Variants in IP6K2 observed in about 807,000 individuals in gnomAD.
IP6K2 encodes ATP:1D-myo-inositol-hexakisphosphate phosphotransferase.
In IP6K2, 9 loss-of-function variants were observed where a neutral mutation model predicts 43.3. The observed-to-expected ratio is 0.21, with a 90% confidence interval of 0.13 to 0.36. IP6K2 has a LOEUF of 0.36. IP6K2 is among the 10% of genes least tolerant of loss of function. The pLI is 1.00. For synonymous variants in IP6K2, 209 were observed against 202.4 expected (o/e 1.03, Z -0.28); for missense variants, 332 against 538.4 (o/e 0.62, Z 3.79).
intron 2 of IP6K2, chr3:48,694,630 G>A: frequency 1.3e-6 from 2 of 1,518,866 alleles, no homozygotes; most frequent in Non-Finnish European, 1.8e-6. Context: ...AAAGGGCTTG[G>A]GCTAATCAGC....
At chr3:48,699,919 TG>T in intron 1 of IP6K2, 1 of 152,174 alleles carries the variant, frequency 6.6e-6, no homozygotes, top group East Asian at 1.9e-4. Context: ...CTGGGTACAG[TG>T]GCTCACTCCT....
At chr3:48,702,823 CT>C (rs1364294455) in intron 1 of IP6K2, among the ~76,000 whole-genome samples, 5 of 152,182 alleles carry the variant, frequency 3.3e-5, no homozygotes, top group African/African-American at 1.2e-4. Context: ...GTATTCACTG[CT>C]GAATCTCCAG....
At position 48,695,953 on chromosome 3, in the gene IP6K2, C is replaced by T. The variant is rs959775778; in HGVS notation, c.-130-532G>A. 4.6e-5 allele frequency among the ~76,000 whole-genome samples: 7 copies of T among 150,908 alleles called. No homozygotes were observed. Among genetic ancestry groups the T allele is most frequent in the African/African-American group, 1.7e-4 (7 of 41,166 alleles). On this transcript the variant is annotated intron_variant, in intron 1 of 5. Transcript: ENST00000328631. The surrounding 1 kb of genome is among the most constrained non-coding windows in gnomAD (Gnocchi z 4.6). ...AGGCGGGAGTGCAGTGGCACAATCT[C>T]GACTCACTGCAACCTCCGCCTCTCA... is the stretch of plus-strand genomic sequence containing the variant.
rs1314720257 is a variant in IP6K2 at position 48,688,372 on chromosome 3, C to T, written c.1182G>A (p.Glu394=). 3 of 1,614,122 alleles carry T rather than the reference C, an allele frequency of 1.9e-6. No individual in the cohort carries two copies. Among genetic ancestry groups the T allele is most frequent in the Non-Finnish European group, 1.7e-6 (2 of 1,180,046 alleles). Reference sequence around the variant, plus strand: ...CCTGGCCCTCATGCACCACGGTGTCCTCGCCATACAGCCTGCAGGTGGTGT... The same window carrying T: ...CCTGGCCCTCATGCACCACGGTGTCTTCGCCATACAGCCTGCAGGTGGTGT... ...FAHTTCRLYG[E]DTVVHEGQDA... Residue 394 remains glutamate (E), a synonymous_variant, in exon 6 of 6, where the codon GAG becomes GAA. Transcript: ENST00000328631. This position sits in a 1 kb window ranked among gnomAD's most constrained non-coding sequence, Gnocchi z 5.1.
chr3:48,699,209 G>C (rs753348309), intron 1 of IP6K2, among the ~76,000 whole-genome samples: 5 of 151,982 alleles, frequency 3.3e-5, no homozygotes, highest in African/African-American at 4.8e-5. Flanking sequence ...TCTGGAGTTC[G>C]AGACCAGCCT....
At chr3:48,697,289 G>GATT (rs950128010) in intron 1 of IP6K2, among the ~76,000 whole-genome samples, 4 of 151,342 alleles carry the variant, frequency 2.6e-5, no homozygotes, top group African/African-American at 7.3e-5. Flanking sequence ...CAAAGTGCTG[G>GATT]ATTACAGGCG....
intron 4 of IP6K2, among the ~76,000 whole-genome samples, chr3:48,690,954 A>C (rs2077729775): frequency 6.6e-6 from 1 of 152,122 alleles, no homozygotes; most frequent in Admixed American, 6.5e-5. Flanking sequence ...GCAGGTGAGC[A>C]ATGTTTTCAG....
rs1172618132 is a variant in IP6K2 at position 48,695,392 on chromosome 3, T to A, written c.-101A>T. On this transcript the variant is annotated 5_prime_UTR_variant, in exon 2 of 6. Coordinates refer to ENST00000328631, the MANE Select transcript of IP6K2 (RefSeq NM_016291.4). This position sits in a 1 kb window ranked among gnomAD's most constrained non-coding sequence, Gnocchi z 4.6. ...GTCCGTGTGTCCCTCTCGTCTTGGC[T>A]CCTTGGCTTGTTCTGGCCAGGATGC... The A allele has an allele frequency of 5.5e-6, 8 of 1,457,548 alleles. No homozygotes were observed. Among genetic ancestry groups the A allele is most frequent in the African/African-American group, 2.8e-5 (2 of 70,494 alleles). 90.3% of individuals were successfully genotyped at this position (1,457,548 alleles called of 1,614,324 possible). A position where few individuals can be genotyped will look rare whatever the true frequency, so the allele number is the denominator to read the frequency against.
chr3:48,689,018 A>C (rs2077551239), intron 5 of IP6K2, among the ~76,000 whole-genome samples: 1 of 152,222 alleles, frequency 6.6e-6, no homozygotes, highest in Non-Finnish European at 1.5e-5. Flanking sequence ...ACTGGAGAGG[A>C]CCAAACCCTT....
chr3:48,694,680 G>A, intron 2 of IP6K2: 1 of 1,505,498 alleles, frequency 6.6e-7, no homozygotes, highest in Non-Finnish European at 8.8e-7. Context: ...ACTCAACGCT[G>A]CTCCCCGGCC....
At chr3:48,697,548 C>A (rs981789878) in intron 1 of IP6K2, among the ~76,000 whole-genome samples, 13 of 133,808 alleles carry the variant, frequency 9.7e-5, no homozygotes, top group Non-Finnish European at 1.1e-4. Flanking sequence ...ACCATGTTGG[C>A]CAGACTGGTC....
chr3:48,690,860 T>G (rs898137383), intron 4 of IP6K2, among the ~76,000 whole-genome samples: 1 of 151,786 alleles, frequency 6.6e-6, no homozygotes, highest in Non-Finnish European at 1.5e-5. Flanking sequence ...AAATATTTCC[T>G]TATGCACAGC....
chr3:48,701,135 C>A (rs752374188), intron 1 of IP6K2, among the ~76,000 whole-genome samples: 1 of 151,784 alleles, frequency 6.6e-6, no homozygotes, highest in East Asian at 1.9e-4. Context: ...TTTGGGAGGC[C>A]GAGGCGGGTG....
At chr3:48,702,446 C>T (rs1233619798) in intron 1 of IP6K2, among the ~76,000 whole-genome samples, 1 of 150,444 alleles carries the variant, frequency 6.6e-6, no homozygotes, top group Non-Finnish European at 1.5e-5. Context: ...AATGTCACCC[C>T]CCCTTTTTTT....
chr3:48,696,891 C>T (rs1377724630), intron 1 of IP6K2, among the ~76,000 whole-genome samples: 2 of 152,092 alleles, frequency 1.3e-5, no homozygotes, highest in Non-Finnish European at 2.9e-5. Context: ...CTGTTGCAAA[C>T]AATGAAGGTG....
intron 1 of IP6K2, among the ~76,000 whole-genome samples, chr3:48,696,536 A>G (rs940761759): frequency 1.3e-5 from 2 of 152,238 alleles, no homozygotes; most frequent in African/African-American, 4.8e-5. Context: ...TCACTCAGCC[A>G]TGCACTGGAT....
chr3:48,713,861 A>G (rs1464472042), intron 1 of IP6K2, among the ~76,000 whole-genome samples: 1 of 151,652 alleles, frequency 6.6e-6, no homozygotes, highest in Admixed American at 6.6e-5. Context: ...TCACGCCTGT[A>G]ATCCCAACAC....
Position 48,695,536 on chromosome 3 carries a change from G to T in IP6K2, c.-130-115C>A, listed in dbSNP as rs892987374. 1.6e-6 allele frequency: 2 copies of T among 1,264,284 alleles called. No homozygotes were observed. Among genetic ancestry groups the T allele is most frequent in the Non-Finnish European group, 2.0e-6 (2 of 999,312 alleles). The allele number at this position is 1,264,284 out of a possible 1,614,324, so 78.3% of individuals were successfully genotyped here. A position where few individuals can be genotyped will look rare whatever the true frequency, so the allele number is the denominator to read the frequency against. ...AAAGACAAACAGTCTGAGTTCTTGC[G>T]GGACTCCGCCCATGCCACCCACCTT... On this transcript the variant is annotated intron_variant, in intron 1 of 5. Coordinates refer to ENST00000328631, the MANE Select transcript of IP6K2 (RefSeq NM_016291.4). The surrounding 1 kb of genome is among the most constrained non-coding windows in gnomAD (Gnocchi z 4.6).
intron 4 of IP6K2, among the ~76,000 whole-genome samples, chr3:48,690,270 A>C (rs569789120): frequency 1.3e-5 from 2 of 152,368 alleles, no homozygotes; most frequent in South Asian, 4.1e-4. Flanking sequence ...AGAAACTGGT[A>C]AACTATGGCC....
Sources: allele counts gnomAD v4.1 joint callset (sites outside exome capture counted in the v4.1 genomes callset), GRCh38; gene constraint gnomAD v4.1.1; non-coding constraint Gnocchi (gnomAD v3.1); transcripts MANE v1.5; gene names NCBI Gene and HGNC (gene_info 2026-07-23, HGNC 2026-07-21).